RFX7: variants seen among roughly 807,000 people sequenced by gnomAD.
RFX7 encodes DNA-binding protein RFX7.
A neutral mutation model predicts 111.8 loss-of-function variants in RFX7; 26 were observed. The observed-to-expected ratio is 0.23, with a 90% CI of 0.17 to 0.32. The LOEUF (loss-of-function observed/expected upper bound fraction) is 0.32. Among genes scored for constraint, RFX7 ranks in the 10% least tolerant of loss-of-function variants. The pLI, the probability that RFX7 is intolerant of heterozygous loss-of-function variation, is 1.00. For missense variants in RFX7, 1,573 were observed against 1,772.9 expected, an observed-to-expected ratio of 0.89 and a Z score of 2.02; for synonymous variants, 624 against 624.4, an observed-to-expected ratio of 1.00 and a Z score of 0.01.
intron 5 of RFX7, among the ~76,000 whole-genome samples, chr15:56,114,478 G>T (rs75566529): frequency 1.8e-4 from 27 of 148,854 alleles, no homozygotes; most frequent in African/African-American, 6.2e-4. Flanking sequence ...AAAGAAAAAA[G>T]AAATTTATCG....
At chr15:56,125,891 C>T (rs1279682483) in intron 5 of RFX7, among the ~76,000 whole-genome samples, 1 of 152,112 alleles carries the variant, frequency 6.6e-6, no homozygotes, top group Non-Finnish European at 1.5e-5. Flanking sequence ...ATAAGTCCTC[C>T]TTCCCCTGAA....
rs773472993 is a variant in RFX7 at position 56,095,827 on chromosome 15, G to A, written c.1901C>T (p.Thr634Ile). The A allele has an allele frequency of 1.2e-6, 2 of 1,610,464 alleles. No homozygotes were observed. The highest frequency in any genetic ancestry group is 1.1e-5 in the South Asian group (1 of 91,082). The change falls in exon 10 of 10, where the codon ACC becomes ATC. Residue 634 changes from threonine (T) to isoleucine (I), a missense_variant. Transcript: ENST00000559447. ...LSVASQNLTFTSSSSPPNGDS... is the reference protein window; with the variant it reads ...LSVASQNLTFISSSSPPNGDS... ...ACCATTAGGTGGTGAGCTGCTGCTG[G>A]TGAAAGTTAAGTTCTGAGAAGCAAC...
intron 2 of RFX7, among the ~76,000 whole-genome samples, chr15:56,179,761 AACACACAC>A (rs58597217): frequency 0.12 from 15,944 of 137,226 alleles, 1,025 homozygotes; most frequent in South Asian, 0.22. Flanking sequence ...TCTCTGTCTC[AACACACAC>A]ACACACACAC....
At chr15:56,113,706 A>G (rs1462796806) in intron 5 of RFX7, among the ~76,000 whole-genome samples, 1 of 151,940 alleles carries the variant, frequency 6.6e-6, no homozygotes, top group Non-Finnish European at 1.5e-5. Context: ...CTTGTATTGT[A>G]ACCAAAATTA....
At position 56,087,678 on chromosome 15, in the gene RFX7, A is replaced by G. The variant is rs1039968298; in HGVS notation, c.*5667T>C. ...AGTAAAGAAGAAGGGGAGAATGCAT[A>G]CTACTGGTAAGTATCCGCCTCTGCT... On this transcript the variant is annotated 3_prime_UTR_variant, in exon 10 of 10. Transcript: ENST00000559447. 4.7e-5 allele frequency: 19 copies of G among 405,738 alleles called. No individual in the cohort carries two copies. Among genetic ancestry groups the G allele is most frequent in the African/African-American group, 3.3e-4 (16 of 48,876 alleles). 25.1% of individuals were successfully genotyped at this position (405,738 alleles called of 1,614,324 possible). A position where few individuals can be genotyped will look rare whatever the true frequency, so the allele number is the denominator to read the frequency against.
intron 2 of RFX7, among the ~76,000 whole-genome samples, chr15:56,205,213 T>A (rs1379777440): frequency 6.6e-6 from 1 of 152,188 alleles, no homozygotes; most frequent in African/African-American, 2.4e-5. Flanking sequence ...ACTTTAGTTT[T>A]CAGAGCAGAT....
intron 2 of RFX7, among the ~76,000 whole-genome samples, chr15:56,221,489 A>G (rs2043426099): frequency 1.3e-5 from 2 of 152,170 alleles, no homozygotes; most frequent in South Asian, 4.1e-4. Flanking sequence ...GACAGTATAT[A>G]GTTGGAGCTT....
At chr15:56,226,115 A>G (rs1248289380) in intron 2 of RFX7, among the ~76,000 whole-genome samples, 3 of 152,098 alleles carry the variant, frequency 2.0e-5, no homozygotes, top group Non-Finnish European at 2.9e-5. Context: ...GAGGTTCTGA[A>G]TTTTCCACTA....
rs751010770 is a variant in RFX7, at chr15:56,096,134, T to C, written c.1594A>G (p.Thr532Ala). Residue 532 changes from threonine (T) to alanine (A), a missense_variant, in exon 10 of 10, where the codon ACA becomes GCA. By Grantham distance (58) the Thr-to-Ala change is moderately conservative (BLOSUM62 0). Around this residue, in one of 7 missense-constraint regions of RFX7, gnomAD observed 625 missense variants for 632.2 expected, o/e 0.99. Transcript: ENST00000559447. ...PGSRSSSAGG[T>A]SAVEVKVEPE... is the part of the protein sequence containing the mutation. ...TCCACTTTGACTTCCACAGCAGATG[T>C]TCCCCCCGCACTGCTGCTCCTGGAC... 126 of 1,613,838 alleles carry C rather than the reference T, an allele frequency of 7.8e-5. 3 individuals carry two copies. In the South Asian group the frequency reaches 9.6e-4, roughly 12 times the overall value.
intron 2 of RFX7, among the ~76,000 whole-genome samples, chr15:56,198,288 A>G (rs2043163793): frequency 7.1e-6 from 1 of 141,750 alleles, no homozygotes; most frequent in African/African-American, 3.1e-5. Context: ...TATAAAAAAG[A>G]AAAAAAAGAA....
intron 3 of RFX7, among the ~76,000 whole-genome samples, chr15:56,170,376 C>G (rs1833931836): frequency 6.6e-6 from 1 of 152,124 alleles, no homozygotes; most frequent in South Asian, 2.1e-4. Context: ...AAGGAACAGT[C>G]TAGAATAGAG....
At chr15:56,099,214 A>T (rs889439720) in intron 8 of RFX7, among the ~76,000 whole-genome samples, 1 of 152,152 alleles carries the variant, frequency 6.6e-6, no homozygotes, top group Non-Finnish European at 1.5e-5. Context: ...AAAGGAGAGG[A>T]ACAACTATCC....
rs555148543 is a variant in RFX7, at chr15:56,139,565, C to T, written c.401+3213G>A. On this transcript the variant is annotated intron_variant, in intron 5 of 9. Coordinates refer to ENST00000559447, the MANE Select transcript of RFX7 (RefSeq NM_022841.7). The stretch of plus-strand genomic sequence containing the variant: ...ACTTCTTTGCCTTTGGTTTGAATGT[C>T]CTCCCGTAGCTCAGAGTAATTTGAT... 3.2e-3 allele frequency among the ~76,000 whole-genome samples: 485 copies of T among 152,216 alleles called. 7 individuals are homozygous for T. The highest frequency in any genetic ancestry group is 0.011 in the African/African-American group (468 of 41,532).
At chr15:56,199,889 A>C (rs1178567733) in intron 2 of RFX7, among the ~76,000 whole-genome samples, 1 of 152,202 alleles carries the variant, frequency 6.6e-6, no homozygotes, top group East Asian at 1.9e-4. Context: ...AACTAAATCT[A>C]GTCTAACCCT....
chr15:56,141,944 G>A (rs2042405332), intron 5 of RFX7, among the ~76,000 whole-genome samples: 1 of 151,868 alleles, frequency 6.6e-6, no homozygotes, highest in African/African-American at 2.4e-5. Flanking sequence ...GAGGTAGTAA[G>A]AACTGTGAAT....
chr15:56,222,814 T>C (rs1295991385), intron 2 of RFX7, among the ~76,000 whole-genome samples: 1 of 152,156 alleles, frequency 6.6e-6, no homozygotes, highest in Non-Finnish European at 1.5e-5. Context: ...TCTATTTCTA[T>C]TTTTTTCCCT....
At chr15:56,116,294 T>G (rs1479045180) in intron 5 of RFX7, among the ~76,000 whole-genome samples, 1 of 152,252 alleles carries the variant, frequency 6.6e-6, no homozygotes, top group Non-Finnish European at 1.5e-5. Context: ...AAAGATGGTT[T>G]GTAAAATGGT....
intron 5 of RFX7, among the ~76,000 whole-genome samples, chr15:56,121,588 T>C (rs1022761001): frequency 6.6e-6 from 1 of 152,240 alleles, no homozygotes; most frequent in Non-Finnish European, 1.5e-5. Flanking sequence ...GGAAGTTCTC[T>C]GTTATTCTCT....
At position 56,096,017 on chromosome 15, in the gene RFX7, GC is replaced by G; in HGVS notation, c.1710del (p.Gln571ArgfsTer20). 1.2e-6 allele frequency: 2 copies of G among 1,612,842 alleles called. No homozygotes were observed. Among genetic ancestry groups the G allele is most frequent in the Non-Finnish European group, 8.5e-7 (1 of 1,179,414 alleles). ...KAPQTPSALL[G>X]QKSNTDGALQ... is the part of the protein sequence containing the mutation. ...AGTGCTCCGTCTGTATTACTTTTCTGCCCCAAAAGGGCACTAGGTGTCTGGG... is the reference window on the plus strand; with the variant it reads ...AGTGCTCCGTCTGTATTACTTTTCTGCCCAAAAGGGCACTAGGTGTCTGGG... On this transcript the variant is annotated frameshift_variant, in exon 10 of 10. Coordinates refer to ENST00000559447, the MANE Select transcript of RFX7 (RefSeq NM_022841.7). LOFTEE classifies it high-confidence loss of function.
Sources: allele counts gnomAD v4.1 joint callset (sites outside exome capture counted in the v4.1 genomes callset), GRCh38; gene constraint gnomAD v4.1.1; regional missense constraint gnomAD v4.1.1; transcripts MANE v1.5; gene names NCBI Gene and HGNC (gene_info 2026-07-23, HGNC 2026-07-21).